The following MYH11 variants were observed in gnomAD, a reference collection of about 807,000 sequenced individuals.
MYH11 encodes the protein myosin heavy chain 11.
In MYH11, 80 loss-of-function variants were observed where a neutral mutation model predicts 246.6. The observed-to-expected ratio is 0.32, with a 90% CI of 0.27 to 0.39. The LOEUF (loss-of-function observed/expected upper bound fraction) is 0.39. Among genes scored for constraint, MYH11 ranks in the 10% least tolerant of loss-of-function variants. The pLI, the probability that MYH11 is intolerant of heterozygous loss-of-function variation, is 1.00. For synonymous variants in MYH11, 1,071 were observed against 1,015.5 expected (o/e 1.05, Z -1.04); for missense variants, 2,158 against 2,546.8 (o/e 0.85, Z 3.29).
intron 9 of MYH11, among the ~76,000 whole-genome samples, chr16:15,766,239 C>T (rs2041977086): frequency 6.6e-6 from 1 of 152,156 alleles, no homozygotes; most frequent in African/African-American, 2.4e-5. Context: ...CCAGCAGCTA[C>T]TCCGTCATTG....
intron 26 of MYH11, among the ~76,000 whole-genome samples, chr16:15,733,937 G>C (rs1034635927): frequency 6.6e-6 from 1 of 152,202 alleles, no homozygotes; most frequent in Non-Finnish European, 1.5e-5. Flanking sequence ...CCCAAAGTGG[G>C]GGAAGTAAAC....
chr16:15,712,748 A>G (rs559526094), intron 40 of MYH11: 1 of 152,348 alleles, frequency 6.6e-6, no homozygotes, highest in East Asian at 1.9e-4. Flanking sequence ...CAAGTGAATT[A>G]GGCCAGAGGC....
intron 27 of MYH11, among the ~76,000 whole-genome samples, chr16:15,727,272 C>G (rs1017440850): frequency 6.6e-6 from 1 of 151,920 alleles, no homozygotes; most frequent in Admixed American, 6.6e-5. Flanking sequence ...ACAATCTTGG[C>G]TCACTGCAAC....
intron 1 of MYH11, among the ~76,000 whole-genome samples, chr16:15,855,023 G>A (rs1317516719): frequency 1.3e-5 from 2 of 152,162 alleles, no homozygotes; most frequent in Non-Finnish European, 2.9e-5. Context: ...CGAGGGGGCC[G>A]GGGATGGCCT....
chr16:15,720,803 C>CCCAAAAAA, intron 33 of MYH11, 36 bp downstream of exon 33: 2 of 1,603,794 alleles, frequency 1.2e-6, no homozygotes, highest in Non-Finnish European at 1.7e-6. Context: ...AAAGGCCACC[C>CCCAAAAAA]GACCTCCCTC....
intron 3 of MYH11, among the ~76,000 whole-genome samples, chr16:15,800,010 G>A (rs2042842451): frequency 6.6e-6 from 1 of 151,990 alleles, no homozygotes; most frequent in Non-Finnish European, 1.5e-5. Context: ...GTGGGTAGAT[G>A]GGTAGGTAGA....
At chr16:15,798,879 A>T (rs2042816750) in intron 3 of MYH11, among the ~76,000 whole-genome samples, 192 bp from the exon 4 acceptor site, 1 of 152,140 alleles carries the variant, frequency 6.6e-6, no homozygotes. Flanking sequence ...GGGCAGCCCC[A>T]AAGTCCCAGA....
chr16:15,798,189 T>G (rs187165114), intron 4 of MYH11, among the ~76,000 whole-genome samples: 1 of 152,226 alleles, frequency 6.6e-6, no homozygotes, highest in Admixed American at 6.5e-5. Context: ...CTTCTGCCTA[T>G]GTACCTAGGT....
chr16:15,838,098 T>G lies in MYH11; in HGVS notation c.155A>C (p.Glu52Ala). ...KQGFEAASIK[E>A]EKGDEVVVEL... ...CACAACCACCTCATCCCCCTTCTCC[T>G]CCTTAATGCTGGCTGCCTCGAAGCC... The change falls in exon 2 of 41, where the codon GAG (glutamate) becomes GCG (alanine). Residue 52 changes from glutamate (E) to alanine (A), a missense_variant. Transcript: ENST00000300036. The G allele has an allele frequency of 1.2e-6, 2 of 1,613,946 alleles. No individual in the cohort carries two copies. Among genetic ancestry groups the G allele is most frequent in the Non-Finnish European group, 8.5e-7 (1 of 1,179,980 alleles).
chr16:15,721,792 C>A, intron 31 of MYH11, 158 bp from the exon 32 acceptor site: 1 of 722,326 alleles, frequency 1.4e-6, no homozygotes, highest in Non-Finnish European at 2.4e-6. Context: ...AATCATCTGG[C>A]GTTCTGACTT....
rs775520228 is a variant in MYH11 at position 15,759,631 on chromosome 16, C to T, written c.1346G>A (p.Arg449Gln). 31 of 1,614,050 alleles carry T rather than the reference C, an allele frequency of 1.9e-5. No homozygotes were observed. The highest frequency in any genetic ancestry group is 2.4e-5 in the Non-Finnish European group (28 of 1,180,032). Residue 449 changes from arginine (R) to glutamine (Q), a missense_variant, in exon 12 of 41, where the codon CGG (arginine) becomes CAG (glutamine). Physicochemically the swap from Arg to Gln is conservative, Grantham distance 43. Around this residue, in one of 11 missense-constraint regions of MYH11, gnomAD observed 317 missense variants for 507.7 expected, o/e 0.62. Transcript: ENST00000300036. ...RVNKALDKTH[R>Q]QGASFLGILD... The stretch of plus-strand genomic sequence containing the variant: ...GATCCCCAGGAAGGAAGCCCCTTGC[C>T]GATGGGTCTTGTCCAGGGCTTTGTT...
At chr16:15,747,424 G>A (rs2041448051) in intron 19 of MYH11, 146 bp downstream of exon 19, 1 of 984,784 alleles carries the variant, frequency 1.0e-6, no homozygotes, top group African/African-American at 1.6e-5. Context: ...TAAAGTAGAA[G>A]CATTTCTTCC....
chr16:15,739,748 T>TG (rs1014723614), intron 23 of MYH11, among the ~76,000 whole-genome samples: 17 of 135,028 alleles, frequency 1.3e-4, no homozygotes, highest in African/African-American at 4.5e-4. Flanking sequence ...TTGATTCCAC[T>TG]TTTTTTTTTT....
chr16:15,831,764 C>T (rs2043746211), intron 2 of MYH11, among the ~76,000 whole-genome samples: 1 of 151,932 alleles, frequency 6.6e-6, no homozygotes, highest in Non-Finnish European at 1.5e-5. Context: ...CATGGTGAAA[C>T]CACTTCTCTA....
intron 3 of MYH11, among the ~76,000 whole-genome samples, chr16:15,810,769 A>C (rs922358765): frequency 1.3e-5 from 2 of 152,188 alleles, no homozygotes; most frequent in African/African-American, 4.8e-5. Context: ...CATGAAGATG[A>C]TTGAAAGAGA....
intron 3 of MYH11, among the ~76,000 whole-genome samples, chr16:15,822,670 G>T (rs1353803870): frequency 6.6e-6 from 1 of 152,136 alleles, no homozygotes; most frequent in Non-Finnish European, 1.5e-5. Context: ...AGCCGAGATG[G>T]CACCACTGCA....
chr16:15,732,382 G>C, intron 27 of MYH11, 182 bp downstream of exon 27: 1 of 916,116 alleles, frequency 1.1e-6, no homozygotes, highest in South Asian at 1.6e-5. Context: ...TTACAGGCGT[G>C]AGCCACCTCA....
intron 2 of MYH11, among the ~76,000 whole-genome samples, chr16:15,827,770 G>A (rs1013744317): frequency 2.6e-5 from 4 of 152,200 alleles, no homozygotes; most frequent in African/African-American, 7.2e-5. Context: ...CTTCACCTCC[G>A]TGACCTGGGG....
rs1028276337 is a variant in MYH11, at chr16:15,813,044, G to C, written c.502+10211C>G. Among the ~76,000 whole-genome samples, 4 of 152,174 alleles carry C rather than the reference G, an allele frequency of 2.6e-5. No individual in the cohort carries two copies. The East Asian group carries it at 7.7e-4, about 29-fold the overall frequency. On this transcript the variant is annotated intron_variant, in intron 3 of 40. Coordinates refer to ENST00000300036, the MANE Select transcript of MYH11 (RefSeq NM_002474.3). ...TAGCTGGGCATGGTGGCATGTGCCT[G>C]TAATCCCAGCTACTCAGGAGGCTGA...
Sources: allele counts gnomAD v4.1 joint callset (sites outside exome capture counted in the v4.1 genomes callset), GRCh38; gene constraint gnomAD v4.1.1; regional missense constraint gnomAD v4.1.1; transcripts MANE v1.5; gene names NCBI Gene and HGNC (gene_info 2026-07-23, HGNC 2026-07-21).